Variants in RAPGEF1 observed in about 807,000 individuals in gnomAD.
The protein encoded by RAPGEF1 is Rap guanine nucleotide exchange factor 1.
RAPGEF1 carries 33 observed loss-of-function variants against 143.3 expected under a neutral mutation model. The observed-to-expected ratio is 0.23, with a 90% confidence interval of 0.17 to 0.31. RAPGEF1 has a LOEUF of 0.31. Among genes scored for constraint, RAPGEF1 ranks in the 10% least tolerant of loss-of-function variants. The probability of loss-of-function intolerance (pLI) is 1.00; values close to 1 mark genes in which losing one functional copy is unlikely to be tolerated. For synonymous variants in RAPGEF1, 629 were observed against 676.5 expected (o/e 0.93, Z 1.09); for missense variants, 1,199 against 1,645.4 (o/e 0.73, Z 4.69).
At chr9:131,644,107 A>G (rs1271811296) in intron 3 of RAPGEF1, among the ~76,000 whole-genome samples, 1 of 152,228 alleles carries the variant, frequency 6.6e-6, no homozygotes, top group African/African-American at 2.4e-5. Context: ...AGCAGCATTC[A>G]TGGTCCCTCT....
intron 3 of RAPGEF1, among the ~76,000 whole-genome samples, chr9:131,648,117 C>T (rs1052961225): frequency 3.3e-5 from 5 of 152,114 alleles, no homozygotes; most frequent in Middle Eastern, 3.2e-3. Flanking sequence ...CGGCTGGGTG[C>T]GGTGGCTCAT....
At position 131,646,494 on chromosome 9, in the gene RAPGEF1, C is replaced by T. The variant is rs151033531; in HGVS notation, c.316-3077G>A. 1.5e-3 allele frequency among the ~76,000 whole-genome samples: 235 copies of T among 152,328 alleles called. 3 individuals are homozygous for T. The South Asian group carries it at 0.02, about 13-fold the overall frequency. ...CCCCGTGGGCCATATTCATTTCTGA[C>T]GCCCAGGCTGTGGCTCCACAGCCAT... On this transcript the variant is annotated intron_variant, in intron 3 of 26. Coordinates refer to ENST00000683357, the MANE Select transcript of RAPGEF1 (RefSeq NM_001377935.1).
chr9:131,722,996 C>G (rs11792477), intron 1 of RAPGEF1, among the ~76,000 whole-genome samples: 33,840 of 152,148 alleles, frequency 0.22, 4,314 homozygotes, highest in Non-Finnish European at 0.29. Flanking sequence ...GAGTTTGAGA[C>G]CAGCCTAGCC....
chr9:131,605,197 T>C lies in RAPGEF1; in HGVS notation c.2062-9A>G, dbSNP rs542621427. ...CTAAACACAGACTTATACTACAGAA[T>C]CCAGGTGGAGAACAAACAAAAACGA... On this transcript the variant is annotated splice_polypyrimidine_tract_variant and intron_variant, in intron 12 of 26. Coordinates refer to ENST00000683357, the MANE Select transcript of RAPGEF1 (RefSeq NM_001377935.1). 1.2e-5 allele frequency: 16 copies of C among 1,307,042 alleles called. No individual in the cohort carries two copies. Among genetic ancestry groups the C allele is most frequent in the African/African-American group, 1.5e-5 (1 of 65,700 alleles). The allele number at this position is 1,307,042 out of a possible 1,614,324, so 81.0% of individuals were successfully genotyped here.
chr9:131,691,222 T>C (rs1051076709), intron 1 of RAPGEF1, among the ~76,000 whole-genome samples: 3 of 152,244 alleles, frequency 2.0e-5, no homozygotes. Flanking sequence ...ACTATTTTAA[T>C]TGTTTTAAAC....
intron 1 of RAPGEF1, among the ~76,000 whole-genome samples, chr9:131,662,616 C>T (rs918793720): frequency 2.6e-5 from 4 of 151,166 alleles, no homozygotes; most frequent in Non-Finnish European, 5.9e-5. Flanking sequence ...GGCACGATCT[C>T]GGCTCACTGC....
At chr9:131,630,171 C>CA in intron 6 of RAPGEF1, 65 bp downstream of exon 6, 1 of 1,524,250 alleles carries the variant, frequency 6.6e-7, no homozygotes, top group Non-Finnish European at 9.1e-7. Context: ...GGGCCCTATC[C>CA]TTGTCAAGTG....
rs374127167 is a variant in RAPGEF1, at chr9:131,646,792, TA to T, written c.315+3336del. Among the ~76,000 whole-genome samples the T allele has an allele frequency of 6.7e-5, 10 of 149,246 alleles. No individual in the cohort carries two copies. The East Asian group carries it at 9.7e-4, about 15-fold the overall frequency. ...TAATAAAAAACTAGAATTGCAGGAT[TA>T]AAAAAAAAATGGCAATGCAACATTA... On this transcript the variant is annotated intron_variant, in intron 3 of 26. Coordinates refer to ENST00000683357, the MANE Select transcript of RAPGEF1 (RefSeq NM_001377935.1).
Position 131,717,502 on chromosome 9 carries a change from G to A in RAPGEF1, c.61+22268C>T, listed in dbSNP as rs575857190. On this transcript the variant is annotated intron_variant, in intron 1 of 26. Transcript: ENST00000683357. ...TAAAAAAGAAGCAAATAGGCCAGGCGCGGTGGCTCACACCTGTAATCCTAG... is the reference window on the plus strand; with the variant it reads ...TAAAAAAGAAGCAAATAGGCCAGGCACGGTGGCTCACACCTGTAATCCTAG... Among the ~76,000 whole-genome samples, 17 of 152,232 alleles carry A rather than the reference G, an allele frequency of 1.1e-4. No individual in the cohort carries two copies. The South Asian group carries it at 2.3e-3, about 20-fold the overall frequency.
At position 131,628,589 on chromosome 9, in the gene RAPGEF1, G is replaced by T; in HGVS notation, c.977C>A (p.Ala326Asp). ...AACAGGCAAACTGGAGCCACTGGTGGCTCGGCTCATGGGGGCCACCACAGC... is the reference window on the plus strand; with the variant it reads ...AACAGGCAAACTGGAGCCACTGGTGTCTCGGCTCATGGGGGCCACCACAGC... ...RVAVVAPMSR[A>D]TSGSSLPVGI... The change falls in exon 8 of 27, where the codon GCC becomes GAC. Residue 326 changes from alanine to aspartate, a missense_variant. Physicochemically the swap from Ala to Asp is moderately radical, Grantham distance 126. Transcript: ENST00000683357. The surrounding 1 kb of genome is among the most constrained non-coding windows in gnomAD (Gnocchi z 5.7). The T allele has an allele frequency of 6.2e-7, 1 of 1,613,062 alleles. No individual in the cohort carries two copies. Among genetic ancestry groups the T allele is most frequent in the South Asian group, 1.1e-5 (1 of 91,066 alleles).
At position 131,584,022 on chromosome 9, in the gene RAPGEF1, G is replaced by A. The variant is rs542943055; in HGVS notation, c.3414+289C>T. On this transcript the variant is annotated intron_variant, in intron 24 of 26. Transcript: ENST00000683357. The surrounding 1 kb of genome is among the most constrained non-coding windows in gnomAD (Gnocchi z 6.8). Reference sequence around the variant, plus strand: ...CCCTTCAGAAGAACGGGCTGAGGGCGGGCGGGGGAGGCGGGAACCCAGGGA... The same window carrying A: ...CCCTTCAGAAGAACGGGCTGAGGGCAGGCGGGGGAGGCGGGAACCCAGGGA... 5.2e-4 allele frequency among the ~76,000 whole-genome samples: 79 copies of A among 152,268 alleles called. No homozygotes were observed. Among genetic ancestry groups the A allele is most frequent in the African/African-American group, 1.5e-3 (61 of 41,552 alleles).
intron 1 of RAPGEF1, chr9:131,737,493 C>T: frequency 6.2e-7 from 1 of 1,613,532 alleles, no homozygotes; most frequent in Non-Finnish European, 8.5e-7. Context: ...TGGGAGCAGG[C>T]ACTTTCATCT....
At chr9:131,735,616 T>C (rs990997035) in intron 1 of RAPGEF1, among the ~76,000 whole-genome samples, 4 of 151,896 alleles carry the variant, frequency 2.6e-5, no homozygotes, top group African/African-American at 9.7e-5. Context: ...GGGGCAAAGG[T>C]TTCAAAGTCC....
At chr9:131,721,228 T>C (rs1386447325) in intron 1 of RAPGEF1, among the ~76,000 whole-genome samples, 1 of 152,140 alleles carries the variant, frequency 6.6e-6, no homozygotes, top group Non-Finnish European at 1.5e-5. Context: ...ACTCCCTCAG[T>C]GTTTTCTCAT....
In RAPGEF1 at chr9:131,737,435, T is replaced by C. The variant is rs77867989; in HGVS notation, c.61+2335A>G. 4.1e-5 allele frequency: 66 copies of C among 1,613,918 alleles called. No homozygotes were observed. In the East Asian group the frequency reaches 1.4e-3, roughly 35 times the overall value. On this transcript the variant is annotated intron_variant, in intron 1 of 26. Coordinates refer to ENST00000683357, the MANE Select transcript of RAPGEF1 (RefSeq NM_001377935.1). ...TCCATGGCAGCACGGTCGCTCGGTC[T>C]GGCAGCCTGGGTAGCTTAGAAACTG...
chr9:131,602,580 C>A (rs1262261561), intron 14 of RAPGEF1, among the ~76,000 whole-genome samples: 5 of 152,250 alleles, frequency 3.3e-5, no homozygotes, highest in Non-Finnish European at 5.9e-5. Flanking sequence ...CAAGACCACA[C>A]AGCTCATAAA....
chr9:131,650,853 G>C lies in RAPGEF1; in HGVS notation c.158C>G (p.Pro53Arg). 4 of 1,613,984 alleles carry C rather than the reference G, an allele frequency of 2.5e-6. No homozygotes were observed. The highest frequency in any genetic ancestry group is 3.4e-6 in the Non-Finnish European group (4 of 1,179,876). Residue 53 changes from proline to arginine, a missense_variant, in exon 2 of 27, where the codon CCA (proline) becomes CGA (arginine). Pro to Arg is a moderately radical substitution (Grantham distance 103). Transcript: ENST00000683357. This position sits in a 1 kb window ranked among gnomAD's most constrained non-coding sequence, Gnocchi z 4.7. ...IKRTPSKKGK[P>R]AEVSVKIPEK... ...TGGAATCTTTACGGACACCTCAGCT[G>C]GTTTTCCCTTCTTTGATGGCGTTCT...
chr9:131,700,073 AC>A (rs1360904693), intron 1 of RAPGEF1, among the ~76,000 whole-genome samples: 2 of 152,044 alleles, frequency 1.3e-5, no homozygotes, highest in Non-Finnish European at 2.9e-5. Flanking sequence ...TCGAAAGTCA[AC>A]CTTCCGATGC....
chr9:131,662,257 C>G (rs1443507646), intron 1 of RAPGEF1, among the ~76,000 whole-genome samples: 1 of 152,080 alleles, frequency 6.6e-6, no homozygotes, highest in Non-Finnish European at 1.5e-5. Context: ...TCTTAAAGAC[C>G]CGAGTCCTTA....
Sources: allele counts gnomAD v4.1 joint callset (sites outside exome capture counted in the v4.1 genomes callset), GRCh38; gene constraint gnomAD v4.1.1; non-coding constraint Gnocchi (gnomAD v3.1); transcripts MANE v1.5; gene names NCBI Gene and HGNC (gene_info 2026-07-23, HGNC 2026-07-21).